The following KCNQ4 variants were observed in gnomAD, a reference collection of about 807,000 sequenced individuals.
The protein encoded by KCNQ4 is potassium voltage-gated channel subfamily KQT member 4.
KCNQ4 carries 31 observed loss-of-function variants against 72.6 expected under a neutral mutation model. The observed-to-expected ratio is 0.43, with a 90% CI of 0.32 to 0.58. The LOEUF is 0.58. Ranked by LOEUF, KCNQ4 falls within the 20% of genes least tolerant of loss-of-function variation. KCNQ4 has a pLI of 0.08. For missense variants in KCNQ4, 869 were observed against 962.6 expected (o/e 0.90, Z 1.29); for synonymous variants, 405 against 403.7 (o/e 1.00, Z -0.04).
chr1:40,819,406 C>G lies in KCNQ4; in HGVS notation c.768C>G (p.Val256=), dbSNP rs1450003130. 1 of 1,613,866 alleles carries G rather than the reference C, an allele frequency of 6.2e-7. No individual in the cohort carries two copies. Among genetic ancestry groups the G allele is most frequent in the Non-Finnish European group, 8.5e-7 (1 of 1,179,984 alleles). ...TGCTCATCTTCGCCTCCTTCCTGGT[C>G]TACCTGGCTGAGAAGGACGCCAACT... is the stretch of plus-strand genomic sequence containing the variant. ...FLVLIFASFL[V]YLAEKDANSD... The change falls in exon 5 of 14, where the codon GTC becomes GTG. Residue 256 remains valine, a synonymous_variant. Coordinates refer to ENST00000347132, the MANE Select transcript of KCNQ4 (RefSeq NM_004700.4).
chr1:40,797,501 C>A (rs536477676), intron 1 of KCNQ4, among the ~76,000 whole-genome samples: 1 of 152,088 alleles, frequency 6.6e-6, no homozygotes, highest in Non-Finnish European at 1.5e-5. Context: ...GGGCCAGGCT[C>A]GGCAGTGAGG....
At chr1:40,785,923 G>A (rs1042198427) in intron 1 of KCNQ4, among the ~76,000 whole-genome samples, 1 of 152,122 alleles carries the variant, frequency 6.6e-6, no homozygotes, top group Non-Finnish European at 1.5e-5. Context: ...ACCTCAGCTG[G>A]GCTAGGCTGG....
At chr1:40,809,699 C>T (rs1035423331) in intron 1 of KCNQ4, among the ~76,000 whole-genome samples, 1 of 152,168 alleles carries the variant, frequency 6.6e-6, no homozygotes, top group Non-Finnish European at 1.5e-5. Context: ...GTCTTATCTC[C>T]TTTGATCTAT....
At chr1:40,816,645 C>T (rs1216695583) in intron 1 of KCNQ4, among the ~76,000 whole-genome samples, 1 of 152,180 alleles carries the variant, frequency 6.6e-6, no homozygotes, top group Non-Finnish European at 1.5e-5. Context: ...GCCTCGATGG[C>T]CCAGCTCCAC....
intron 1 of KCNQ4, chr1:40,804,817 CAAAA>C (rs34127672): frequency 1.9e-4 from 17 of 88,978 alleles, no homozygotes; most frequent in East Asian, 3.6e-4. Context: ...GACCCTGTCT[CAAAA>C]AAAAAAAAAA....
intron 1 of KCNQ4, among the ~76,000 whole-genome samples, chr1:40,814,046 CTTTTTTTTTTT>C (rs35243800): frequency 1.0e-3 from 54 of 52,712 alleles, no homozygotes; most frequent in Middle Eastern, 0.025. Flanking sequence ...TGCGCCCGGC[CTTTTTTTTTTT>C]TTTTTTTTTT....
At chr1:40,796,841 C>T (rs1647424390) in intron 1 of KCNQ4, among the ~76,000 whole-genome samples, 1 of 152,006 alleles carries the variant, frequency 6.6e-6, no homozygotes, top group African/African-American at 2.4e-5. Context: ...TCGCTTAAAC[C>T]CGGGAGGTAG....
chr1:40,831,796 C>A (rs1206070019), intron 10 of KCNQ4, among the ~76,000 whole-genome samples: 1 of 152,200 alleles, frequency 6.6e-6, no homozygotes, highest in Non-Finnish European at 1.5e-5. Context: ...GGAATGCATC[C>A]TTGATGAGCC....
chr1:40,823,174 C>T (rs1433565970), intron 8 of KCNQ4, among the ~76,000 whole-genome samples: 1 of 152,214 alleles, frequency 6.6e-6, no homozygotes, highest in African/African-American at 2.4e-5. Context: ...CTCGCCTCTG[C>T]ACCTGGCTTC....
chr1:40,805,921 A>G (rs867102473), intron 1 of KCNQ4, among the ~76,000 whole-genome samples: 2 of 151,836 alleles, frequency 1.3e-5, no homozygotes, highest in Non-Finnish European at 2.9e-5. Context: ...GGCTCACTGC[A>G]GGCTCCGCCT....
At chr1:40,836,326 A>G (rs765201444) in intron 12 of KCNQ4, among the ~76,000 whole-genome samples, 1 of 152,234 alleles carries the variant, frequency 6.6e-6, no homozygotes, top group Admixed American at 6.5e-5. Context: ...GCAAGAGGAA[A>G]AATCGAGTTG....
Position 40,831,081 on chromosome 1 carries a change from C to T in KCNQ4, c.1293-3C>T. The stretch of plus-strand genomic sequence containing the variant: ...CTCTCTCCCAACCTGCCTGCCCTGC[C>T]AGCAGCCGGATGGGCATCAAAGACC... On this transcript the variant is annotated splice_region_variant and splice_polypyrimidine_tract_variant and intron_variant, in intron 9 of 13. Coordinates refer to ENST00000347132, the MANE Select transcript of KCNQ4 (RefSeq NM_004700.4). 1.3e-6 allele frequency: 2 copies of T among 1,577,960 alleles called. No individual in the cohort carries two copies. Among genetic ancestry groups the T allele is most frequent in the Non-Finnish European group, 1.7e-6 (2 of 1,161,596 alleles).
At chr1:40,835,145 C>T (rs1048575932) in intron 12 of KCNQ4, 47 bp downstream of exon 12, 1 of 1,598,494 alleles carries the variant, frequency 6.3e-7, no homozygotes, top group Non-Finnish European at 8.5e-7. Flanking sequence ...GAGGCAGCGA[C>T]CCCAGCCCTG....
intron 4 of KCNQ4, 68 bp from the exon 5 acceptor site, chr1:40,819,279 G>T: frequency 1.3e-6 from 2 of 1,598,508 alleles, no homozygotes; most frequent in Non-Finnish European, 8.6e-7. Flanking sequence ...CCTTTCCCGT[G>T]TGGAAGCCCC....
chr1:40,836,355 AAGGCAATGAATGG>A, intron 12 of KCNQ4, among the ~76,000 whole-genome samples: 1 of 152,192 alleles, frequency 6.6e-6, no homozygotes, highest in East Asian at 1.9e-4. Context: ...TGACATGGAG[AAGGCAATGAATGG>A]AGCAAGTTTC....
intron 1 of KCNQ4, among the ~76,000 whole-genome samples, chr1:40,791,138 T>G (rs1416147120): frequency 6.6e-6 from 1 of 152,106 alleles, no homozygotes; most frequent in Non-Finnish European, 1.5e-5. Flanking sequence ...GATTTAGAGA[T>G]CTCAGTCCCC....
rs979467486 is a variant in KCNQ4, at chr1:40,838,906, G to A, written c.*383G>A. The A allele has an allele frequency of 5.1e-5, 18 of 350,266 alleles. No individual in the cohort carries two copies. Among genetic ancestry groups the A allele is most frequent in the African/African-American group, 3.6e-4 (17 of 47,810 alleles). 21.7% of individuals were successfully genotyped at this position (350,266 alleles called of 1,614,324 possible). ...TCCAGCTATGCAAGGTGAGGTCTCT[G>A]GCCCACCCTTCGGACACAGCAGGGA... On this transcript the variant is annotated 3_prime_UTR_variant, in exon 14 of 14. Coordinates refer to ENST00000347132, the MANE Select transcript of KCNQ4 (RefSeq NM_004700.4).
chr1:40,807,164 A>G (rs1268042194), intron 1 of KCNQ4, among the ~76,000 whole-genome samples: 1 of 152,052 alleles, frequency 6.6e-6, no homozygotes, highest in Non-Finnish European at 1.5e-5. Flanking sequence ...ATCCTCCAAG[A>G]GGGGGCATTT....
intron 11 of KCNQ4, 84 bp downstream of exon 11, chr1:40,833,197 T>C (rs1648705213): frequency 9.8e-7 from 1 of 1,015,906 alleles, no homozygotes; most frequent in East Asian, 2.6e-5. Flanking sequence ...TCACTTGAGG[T>C]CAGGAGTTTG....
Sources: gnomAD v4.1 joint callset for allele counts (sites outside exome capture counted in the v4.1 genomes callset) on GRCh38, gnomAD v4.1.1 for gene constraint, MANE v1.5 for transcripts, NCBI Gene and HGNC (gene_info 2026-07-23, HGNC 2026-07-21) for gene names.